UBE2H: variants seen among roughly 807,000 people sequenced by gnomAD.
UBE2H encodes the protein ubiquitin conjugating enzyme E2 H, also known as ubiquitin-conjugating enzyme E2 H.
In UBE2H, 3 loss-of-function variants were observed where a neutral mutation model predicts 29.0. The ratio of observed to expected loss-of-function variants is 0.10; its 90% CI spans 0.05 to 0.27. The LOEUF (loss-of-function observed/expected upper bound fraction) is 0.27. Among genes scored for constraint, UBE2H ranks in the 10% least tolerant of loss-of-function variants. The pLI, the probability that UBE2H is intolerant of heterozygous loss-of-function variation, is 1.00. For synonymous variants in UBE2H, 69 were observed against 82.9 expected (o/e 0.83, Z 0.91); for missense variants, 68 against 228.2 (o/e 0.30, Z 4.52).
Position 129,891,953 on chromosome 7 carries a change from C to CTTTTTTTTTTTT in UBE2H, c.54-10994_54-10983dup, listed in dbSNP as rs753851134. ...AGAATACTAAAAAAACATGCTACACCTTTTTTTTTTTTTTTTTGAGACGGA... is the reference window on the plus strand; with the variant it reads ...AGAATACTAAAAAAACATGCTACACCTTTTTTTTTTTTTTTTTTTTTTTTTTTTTGAGACGGA... On this transcript the variant is annotated intron_variant, in intron 1 of 6. Transcript: ENST00000355621. Among the ~76,000 whole-genome samples the CTTTTTTTTTTTT allele has an allele frequency of 3.3e-3, 425 of 127,046 alleles. 6 individuals are homozygous for CTTTTTTTTTTTT. The highest frequency in any genetic ancestry group is 5.8e-3 in the Non-Finnish European group (354 of 60,680). The allele number at this position is 127,046 out of a possible 152,430, so 83.3% of individuals were successfully genotyped here. A position where few individuals can be genotyped will look rare whatever the true frequency, so the allele number is the denominator to read the frequency against.
At chr7:129,887,218 C>CTTTT (rs58727788) in intron 1 of UBE2H, among the ~76,000 whole-genome samples, 2 of 103,972 alleles carry the variant, frequency 1.9e-5, no homozygotes, top group African/African-American at 3.4e-5. Flanking sequence ...CTCTCTTGAA[C>CTTTT]TTTTTTTTTT....
At chr7:129,948,760 G>A (rs933243125) in intron 1 of UBE2H, among the ~76,000 whole-genome samples, 2 of 152,226 alleles carry the variant, frequency 1.3e-5, no homozygotes, top group South Asian at 4.1e-4. Context: ...TACATATGGT[G>A]TATGCCGGTC....
intron 3 of UBE2H, among the ~76,000 whole-genome samples, chr7:129,877,286 G>C (rs1163968302): frequency 2.6e-5 from 4 of 152,162 alleles, no homozygotes; most frequent in Admixed American, 6.5e-5. Context: ...CACCTACCCA[G>C]ATACAACAGG....
At chr7:129,896,677 T>C (rs1345565158) in intron 1 of UBE2H, among the ~76,000 whole-genome samples, 1 of 152,194 alleles carries the variant, frequency 6.6e-6, no homozygotes, top group African/African-American at 2.4e-5. Flanking sequence ...AGTGCTGGGA[T>C]TATAGGTGTG....
intron 5 of UBE2H, among the ~76,000 whole-genome samples, chr7:129,841,550 A>C (rs1331428725): frequency 6.6e-5 from 10 of 152,234 alleles, no homozygotes; most frequent in Admixed American, 6.5e-4. Context: ...ATTCTAATTA[A>C]ATTTAAATAA....
chr7:129,918,317 A>G (rs180794971), intron 1 of UBE2H, among the ~76,000 whole-genome samples: 2 of 152,218 alleles, frequency 1.3e-5, no homozygotes, highest in East Asian at 3.9e-4. Flanking sequence ...AGAGATAAAG[A>G]CTGAAAGTAT....
chr7:129,836,747 G>A (rs192628062), intron 6 of UBE2H, among the ~76,000 whole-genome samples: 48 of 151,992 alleles, frequency 3.2e-4, no homozygotes, highest in Non-Finnish European at 5.4e-4. Flanking sequence ...GGATGTGGTG[G>A]CACATGCCTG....
At chr7:129,905,342 T>C (rs1387677230) in intron 1 of UBE2H, among the ~76,000 whole-genome samples, 1 of 152,028 alleles carries the variant, frequency 6.6e-6, no homozygotes, top group East Asian at 1.9e-4. Context: ...CATTATACAT[T>C]TGATTCATCT....
chr7:129,845,604 TGGA>T (rs1805498326), intron 5 of UBE2H, among the ~76,000 whole-genome samples: 1 of 152,196 alleles, frequency 6.6e-6, no homozygotes, highest in Non-Finnish European at 1.5e-5. Flanking sequence ...AGGGCCACTT[TGGA>T]GGAGAATGGG....
chr7:129,860,961 C>T (rs769456816), intron 3 of UBE2H, among the ~76,000 whole-genome samples: 1 of 152,170 alleles, frequency 6.6e-6, no homozygotes, highest in Admixed American at 6.5e-5. Context: ...GTGGCTCATG[C>T]ATGTAATCCC....
intron 1 of UBE2H, among the ~76,000 whole-genome samples, chr7:129,943,899 A>G (rs1263204213): frequency 2.6e-5 from 4 of 152,110 alleles, no homozygotes. Flanking sequence ...AAAGGAAGAT[A>G]AAGTGTTTAA....
chr7:129,872,845 CAA>C (rs34001143), intron 3 of UBE2H, among the ~76,000 whole-genome samples: 28 of 72,000 alleles, frequency 3.9e-4, no homozygotes, highest in East Asian at 3.2e-3. Context: ...CACTCCGTCT[CAA>C]AAAAAAAAAA....
chr7:129,878,682 CAAAAAAAAAAAA>C (rs772936668), intron 3 of UBE2H, among the ~76,000 whole-genome samples: 3 of 75,072 alleles, frequency 4.0e-5, no homozygotes, highest in Non-Finnish European at 6.9e-5. Context: ...GACTCCGTCT[CAAAAAAAAAAAA>C]AAAAAAAAAA....
chr7:129,922,517 T>G (rs1222149848), intron 1 of UBE2H, among the ~76,000 whole-genome samples: 6 of 152,142 alleles, frequency 3.9e-5, no homozygotes, highest in African/African-American at 1.4e-4. Flanking sequence ...CCTCAAGTGA[T>G]CCACCCGCCT....
At chr7:129,847,716 A>T (rs1805537378) in intron 5 of UBE2H, among the ~76,000 whole-genome samples, 2 of 152,236 alleles carry the variant, frequency 1.3e-5, no homozygotes, top group African/African-American at 4.8e-5. Context: ...AAATCCATAT[A>T]ACTGGTCCTT....
At chr7:129,864,565 T>TTTTG (rs1170005789) in intron 3 of UBE2H, among the ~76,000 whole-genome samples, 1 of 147,636 alleles carries the variant, frequency 6.8e-6, no homozygotes, top group East Asian at 1.9e-4. Flanking sequence ...TCTTTTTTTT[T>TTTTG]TTTTTTGAGA....
intron 6 of UBE2H, among the ~76,000 whole-genome samples, chr7:129,837,646 T>C (rs981890463): frequency 2.0e-5 from 3 of 151,872 alleles, no homozygotes; most frequent in African/African-American, 7.3e-5. Context: ...GATCACAGAT[T>C]GGTGGTGGGA....
chr7:129,865,878 G>A (rs1181210591), intron 3 of UBE2H, among the ~76,000 whole-genome samples: 1 of 152,106 alleles, frequency 6.6e-6, no homozygotes, highest in African/African-American at 2.4e-5. Context: ...TTATTTAAGG[G>A]TAATAACTTG....
chr7:129,871,336 T>G (rs1806025445), intron 3 of UBE2H, among the ~76,000 whole-genome samples: 1 of 152,228 alleles, frequency 6.6e-6, no homozygotes, highest in Admixed American at 6.5e-5. Context: ...ATGGCTTATA[T>G]TCTCATAGCA....
Sources: allele counts gnomAD v4.1 joint callset (sites outside exome capture counted in the v4.1 genomes callset), GRCh38; gene constraint gnomAD v4.1.1; transcripts MANE v1.5; gene names NCBI Gene and HGNC (gene_info 2026-07-23, HGNC 2026-07-21).